Variants in TMTC2 observed in about 807,000 individuals in gnomAD.
TMTC2 encodes the protein protein O-mannosyl-transferase TMTC2.
A neutral mutation model predicts 82.4 loss-of-function variants in TMTC2; 43 were observed. The observed-to-expected ratio is 0.52, with a 90% CI of 0.41 to 0.67. The LOEUF (loss-of-function observed/expected upper bound fraction) is 0.67, where lower values mean the gene tolerates loss of function less well. TMTC2 is among the 30% of genes least tolerant of loss of function. The pLI, the probability that TMTC2 is intolerant of heterozygous loss-of-function variation, is 0.00. For missense variants in TMTC2, 919 were observed against 1,012.4 expected (o/e 0.91, Z 1.25); for synonymous variants, 408 against 381.9 (o/e 1.07, Z -0.80).
intron 1 of TMTC2, among the ~76,000 whole-genome samples, chr12:82,822,297 C>A (rs1869161432): frequency 6.6e-6 from 1 of 152,068 alleles, no homozygotes; most frequent in African/African-American, 2.4e-5. Flanking sequence ...AAACTATGGA[C>A]TTTTGTGTAA....
intron 1 of TMTC2, among the ~76,000 whole-genome samples, chr12:82,848,344 A>G (rs779761511): frequency 2.6e-5 from 4 of 152,190 alleles, no homozygotes; most frequent in Non-Finnish European, 4.4e-5. Context: ...AACTTTTTAC[A>G]TGTATGCAGA....
chr12:82,949,424 A>C (rs570238034), intron 4 of TMTC2, among the ~76,000 whole-genome samples: 122 of 152,330 alleles, frequency 8.0e-4, no homozygotes, highest in African/African-American at 2.9e-3. Context: ...GACTTACCAG[A>C]GTCATATTTG....
chr12:83,072,166 C>T (rs905254172), intron 11 of TMTC2, among the ~76,000 whole-genome samples: 9 of 152,054 alleles, frequency 5.9e-5, no homozygotes, highest in Admixed American at 1.3e-4. Context: ...TTCCTCTTAG[C>T]GCTGCTTTTG....
At chr12:82,829,245 T>C (rs988785954) in intron 1 of TMTC2, among the ~76,000 whole-genome samples, 6 of 152,338 alleles carry the variant, frequency 3.9e-5, no homozygotes, top group African/African-American at 1.4e-4. Context: ...TAATTGGAAC[T>C]AAACCTACTT....
intron 8 of TMTC2, among the ~76,000 whole-genome samples, chr12:82,997,346 G>GTATATA (rs1221254720): frequency 4.1e-4 from 12 of 29,198 alleles, no homozygotes; most frequent in African/African-American, 9.7e-4. Flanking sequence ...GTGTGTGTGT[G>GTATATA]TGTATATATA....
chr12:82,991,949 A>G (rs1879420058), intron 8 of TMTC2, among the ~76,000 whole-genome samples: 1 of 152,240 alleles, frequency 6.6e-6, no homozygotes, highest in Non-Finnish European at 1.5e-5. Context: ...CTTAAATTGT[A>G]GTAAAAGTTA....
At chr12:83,045,707 T>TCTCACACACACACA (rs1555208196) in intron 9 of TMTC2, among the ~76,000 whole-genome samples, 1 of 122,706 alleles carries the variant, frequency 8.1e-6, no homozygotes, top group Non-Finnish European at 1.7e-5. Flanking sequence ...AAGGGCTCCT[T>TCTCACACACACACA]CACACACACA....
At chr12:82,775,226 A>T (rs1877524495) in intron 1 of TMTC2, among the ~76,000 whole-genome samples, 1 of 152,082 alleles carries the variant, frequency 6.6e-6, no homozygotes, top group African/African-American at 2.4e-5. Flanking sequence ...AGGCAGAAGG[A>T]TTGCTTGAGC....
intron 3 of TMTC2, among the ~76,000 whole-genome samples, chr12:82,925,838 T>A (rs938380078): frequency 3.3e-5 from 5 of 152,156 alleles, no homozygotes; most frequent in Non-Finnish European, 7.3e-5. Flanking sequence ...AATTTTCCAA[T>A]GGCCTTGAAG....
At position 83,125,748 on chromosome 12, in the gene TMTC2, C is replaced by T. The variant is rs368629378; in HGVS notation, c.2332-6462C>T. Among the ~76,000 whole-genome samples the T allele has an allele frequency of 1.6e-3, 248 of 152,256 alleles. 3 individuals are homozygous for T. The highest frequency in any genetic ancestry group is 5.6e-3 in the African/African-American group (232 of 41,566). The stretch of plus-strand genomic sequence containing the variant: ...TGAAGGATTTCAGATTGCAGATTTT[C>T]AGATTTGGGATAGCCAGTTCACACT... On this transcript the variant is annotated intron_variant, in intron 11 of 11. Transcript: ENST00000321196.
intron 1 of TMTC2, among the ~76,000 whole-genome samples, chr12:82,815,257 C>G (rs1291603112): frequency 6.6e-6 from 1 of 150,702 alleles, no homozygotes; most frequent in Non-Finnish European, 1.5e-5. Flanking sequence ...AGCTCCGCCT[C>G]CCGAGTTCAC....
intron 1 of TMTC2, among the ~76,000 whole-genome samples, chr12:82,801,570 T>G (rs1879001585): frequency 1.3e-5 from 2 of 152,188 alleles, no homozygotes; most frequent in Admixed American, 1.3e-4. Flanking sequence ...TTTGACAGAT[T>G]GCTGATTAGT....
chr12:82,711,755 T>C (rs1873629827), intron 1 of TMTC2, among the ~76,000 whole-genome samples: 1 of 152,248 alleles, frequency 6.6e-6, no homozygotes, highest in African/African-American at 2.4e-5. Context: ...CTGCAGCAGA[T>C]AGAAGTGTGT....
chr12:82,765,103 T>C (rs545796107), intron 1 of TMTC2, among the ~76,000 whole-genome samples: 11 of 152,128 alleles, frequency 7.2e-5, no homozygotes, highest in Admixed American at 2.6e-4. Flanking sequence ...GGGGGAGGCA[T>C]GTAGCTTTTA....
intron 2 of TMTC2, among the ~76,000 whole-genome samples, chr12:82,860,211 A>C (rs955109920): frequency 6.6e-6 from 1 of 152,054 alleles, no homozygotes; most frequent in Non-Finnish European, 1.5e-5. Context: ...TGACCTTGTG[A>C]TCCGCCCGCC....
intron 3 of TMTC2, among the ~76,000 whole-genome samples, chr12:82,918,125 G>C (rs567688845): frequency 6.6e-6 from 1 of 151,698 alleles, no homozygotes; most frequent in Non-Finnish European, 1.5e-5. Context: ...GCCCAGGCTG[G>C]TCTTGAACTC....
intron 8 of TMTC2, among the ~76,000 whole-genome samples, chr12:83,020,317 G>C (rs1880859410): frequency 6.6e-6 from 1 of 152,086 alleles, no homozygotes; most frequent in South Asian, 2.1e-4. Context: ...AGGAATCAAT[G>C]AATACATTTA....
intron 3 of TMTC2, among the ~76,000 whole-genome samples, chr12:82,901,469 T>A (rs1257318275): frequency 1.3e-5 from 2 of 151,212 alleles, no homozygotes; most frequent in Non-Finnish European, 2.9e-5. Context: ...CAAGCCCAGC[T>A]AATTTTTGTA....
chr12:82,920,657 CTTTT>C (rs1484936115), intron 3 of TMTC2, among the ~76,000 whole-genome samples: 4 of 152,038 alleles, frequency 2.6e-5, no homozygotes, highest in African/African-American at 9.7e-5. Context: ...AGAAGAATTT[CTTTT>C]TATTTTTGAA....
Sources: gnomAD v4.1 joint callset for allele counts (sites outside exome capture counted in the v4.1 genomes callset) on GRCh38, gnomAD v4.1.1 for gene constraint, MANE v1.5 for transcripts, NCBI Gene and HGNC (gene_info 2026-07-23, HGNC 2026-07-21) for gene names.